Variants in PTDSS2 observed in about 807,000 individuals in gnomAD.
PTDSS2 encodes the protein phosphatidylserine synthase 2, also known as PSS-2.
In PTDSS2, 41 loss-of-function variants were observed where a neutral mutation model predicts 64.7. The ratio of observed to expected loss-of-function variants is 0.63; its 90% CI spans 0.49 to 0.82. The LOEUF (loss-of-function observed/expected upper bound fraction) is 0.82. Ranked by LOEUF, PTDSS2 falls within the 40% of genes least tolerant of loss-of-function variation. PTDSS2 has a pLI of 0.00. For missense variants in PTDSS2, 485 were observed against 650.0 expected (o/e 0.75, Z 2.76); for synonymous variants, 297 against 277.8 (o/e 1.07, Z -0.69).
At position 489,522 on chromosome 11, in the gene PTDSS2, C is replaced by T. The variant is rs375041205; in HGVS notation, c.969+8C>T. On this transcript the variant is annotated splice_region_variant and intron_variant, in intron 9 of 11. Coordinates refer to ENST00000308020, the MANE Select transcript of PTDSS2 (RefSeq NM_030783.3). ...TGCGGCATCATCCTGGTGGTAAGGC[C>T]GGGCTGCCTCGCGACGGCGCGGCGG... is the stretch of plus-strand genomic sequence containing the variant. 126 of 1,611,828 alleles carry T rather than the reference C, an allele frequency of 7.8e-5. No homozygotes were observed. The East Asian group carries it at 9.4e-4, about 12-fold the overall frequency.
chr11:451,267 C>A, intron 1 of PTDSS2: 1 of 381,682 alleles, frequency 2.6e-6, no homozygotes, highest in Non-Finnish European at 5.5e-6. Context: ...ACCTTGGGGT[C>A]CCCCTGTCCG....
intron 1 of PTDSS2, among the ~76,000 whole-genome samples, chr11:453,659 C>T (rs1846453164): frequency 6.6e-6 from 1 of 152,226 alleles, no homozygotes; most frequent in Admixed American, 6.5e-5. Context: ...TCTTTCTGGT[C>T]TTGCTGGTCA....
chr11:457,516 C>T (rs1426043619), intron 1 of PTDSS2, among the ~76,000 whole-genome samples: 1 of 152,224 alleles, frequency 6.6e-6, no homozygotes, highest in Non-Finnish European at 1.5e-5. Context: ...AAACAGTCCT[C>T]CTGCCTGGGC....
In PTDSS2 at chr11:450,454, C is replaced by A; in HGVS notation, c.-2C>A. On this transcript the variant is annotated 5_prime_UTR_variant, in exon 1 of 12. Coordinates refer to ENST00000308020, the MANE Select transcript of PTDSS2 (RefSeq NM_030783.3). ...GGCGGAGTGGCTCCGGGCCGAAACG[C>A]CATGCGGAGGGGCGAGCGCAGGGAC... 1 of 1,227,450 alleles carries A rather than the reference C, an allele frequency of 8.1e-7. No homozygotes were observed. Among genetic ancestry groups the A allele is most frequent in the African/African-American group, 1.6e-5 (1 of 64,100 alleles). The allele number at this position is 1,227,450 out of a possible 1,614,324, so 76.0% of individuals were successfully genotyped here.
chr11:451,160 A>G (rs117511954), intron 1 of PTDSS2, among the ~76,000 whole-genome samples: 73 of 152,288 alleles, frequency 4.8e-4, no homozygotes, highest in Middle Eastern at 6.8e-3. Flanking sequence ...TGCTTCAGGA[A>G]TGTAGTCGGT....
chr11:449,839 C>G (rs960907340), upstream of PTDSS2, among the ~76,000 whole-genome samples: 2 of 152,200 alleles, frequency 1.3e-5, no homozygotes, highest in East Asian at 1.9e-4. Flanking sequence ...CCCAGCTACT[C>G]GGGAAGCTTG....
At chr11:463,392 A>G (rs1456789678) in intron 2 of PTDSS2, 1 of 144,356 alleles carries the variant, frequency 6.9e-6, no homozygotes, top group Non-Finnish European at 1.5e-5. Context: ...ATGCCCAGAC[A>G]GTTTTTGTAT....
intron 1 of PTDSS2, among the ~76,000 whole-genome samples, chr11:450,842 C>T (rs992594786): frequency 2.0e-5 from 3 of 152,104 alleles, no homozygotes; most frequent in Admixed American, 6.5e-5. Flanking sequence ...GGGCGGAGGG[C>T]GGCGCTGTAG....
At chr11:456,815 C>T (rs1235874023) in intron 1 of PTDSS2, among the ~76,000 whole-genome samples, 1 of 152,164 alleles carries the variant, frequency 6.6e-6, no homozygotes, top group Non-Finnish European at 1.5e-5. Context: ...GTGTGGAGCT[C>T]AGCAGGAAGG....
intron 5 of PTDSS2, 169 bp from the exon 6 acceptor site, chr11:487,251 T>C: frequency 1.1e-6 from 1 of 919,332 alleles, no homozygotes; most frequent in Non-Finnish European, 1.7e-6. Flanking sequence ...GGGCCCCTGC[T>C]CTCTAGGCTG....
At chr11:449,091 G>A (rs1384312092), upstream of PTDSS2, among the ~76,000 whole-genome samples, 8 of 129,680 alleles carry the variant, frequency 6.2e-5, no homozygotes, top group South Asian at 2.4e-4. Flanking sequence ...TTTTTGAGAC[G>A]GAGTCTCGCT....
At chr11:471,328 T>C (rs1302758569) in intron 2 of PTDSS2, among the ~76,000 whole-genome samples, 1 of 152,170 alleles carries the variant, frequency 6.6e-6, no homozygotes, top group African/African-American at 2.4e-5. Context: ...CTCCTGACCT[T>C]TAATGATCCA....
chr11:474,661 G>T (rs972256659), intron 3 of PTDSS2, among the ~76,000 whole-genome samples: 1 of 152,212 alleles, frequency 6.6e-6, no homozygotes, highest in African/African-American at 2.4e-5. Context: ...CCAGGAAGGC[G>T]GGCTCAGGCT....
Position 489,695 on chromosome 11 carries a change from C to T in PTDSS2, c.1077C>T (p.Gly359=), listed in dbSNP as rs746200132. 9.4e-6 allele frequency: 15 copies of T among 1,604,186 alleles called. No individual in the cohort carries two copies. Among genetic ancestry groups the T allele is most frequent in the South Asian group, 1.1e-5 (1 of 89,626 alleles). ...LRLVFFVNVG[G]VAMREIYDFM... ...TCGTCTTCTTCGTGAACGTGGGTGG[C>T]GTGGCCATGCGTGAGATCTACGACT... The change falls in exon 10 of 12, where the codon GGC becomes GGT. Residue 359 remains glycine, a synonymous_variant. Transcript: ENST00000308020.
intron 1 of PTDSS2, among the ~76,000 whole-genome samples, chr11:452,083 A>G (rs1846355152): frequency 6.6e-6 from 1 of 152,098 alleles, no homozygotes; most frequent in African/African-American, 2.4e-5. Context: ...CAAGGAGACC[A>G]GACTGGCTCT....
At chr11:448,639 G>A (rs1356882311), upstream of PTDSS2, among the ~76,000 whole-genome samples, 1 of 152,204 alleles carries the variant, frequency 6.6e-6, no homozygotes, top group Non-Finnish European at 1.5e-5. Flanking sequence ...AGCGCCTCCC[G>A]CACTGCCCAG....
At chr11:466,347 T>G (rs1458363177) in intron 2 of PTDSS2, among the ~76,000 whole-genome samples, 1 of 151,056 alleles carries the variant, frequency 6.6e-6, no homozygotes, top group Non-Finnish European at 1.5e-5. Flanking sequence ...GCAGGCACCT[T>G]CCTCACAAAG....
intron 3 of PTDSS2, among the ~76,000 whole-genome samples, 157 bp downstream of exon 3, chr11:474,134 G>C (rs910085187): frequency 3.3e-5 from 5 of 152,158 alleles, no homozygotes; most frequent in African/African-American, 1.2e-4. Flanking sequence ...CAAGGGCGTG[G>C]GGTTCTGAGC....
chr11:459,928 A>G (rs1013915598), intron 1 of PTDSS2: 2 of 495,966 alleles, frequency 4.0e-6, no homozygotes, highest in Non-Finnish European at 3.7e-6. Context: ...CCCTCTGAGC[A>G]GCGGCCTTCA....
Sources: gnomAD v4.1 joint callset for allele counts (sites outside exome capture counted in the v4.1 genomes callset) on GRCh38, gnomAD v4.1.1 for gene constraint, MANE v1.5 for transcripts, NCBI Gene and HGNC (gene_info 2026-07-23, HGNC 2026-07-21) for gene names.